The following TRPV1 variants were observed in gnomAD, a reference collection of about 807,000 sequenced individuals.
TRPV1 encodes the protein transient receptor potential cation channel subfamily V member 1, also known as OTRPC1.
A neutral mutation model predicts 82.3 loss-of-function variants in TRPV1; 82 were observed. The observed-to-expected ratio is 1.00, with a 90% confidence interval of 0.83 to 1.20. The LOEUF is 1.20. Ranked by LOEUF, TRPV1 falls within the 50% of genes most tolerant of loss-of-function variation. The pLI is 0.00. For missense variants in TRPV1, 1,067 were observed against 1,096.8 expected, an observed-to-expected ratio of 0.97 and a Z score of 0.38; for synonymous variants, 515 against 467.7, an observed-to-expected ratio of 1.10 and a Z score of -1.30.
chr17:3,599,637 T>C (rs1465083255), intron 2 of TRPV1, among the ~76,000 whole-genome samples: 2 of 149,816 alleles, frequency 1.3e-5, no homozygotes, highest in African/African-American at 5.1e-5. Context: ...CTTTTCTTTT[T>C]TTTTTTTTCG....
intron 10 of TRPV1, among the ~76,000 whole-genome samples, chr17:3,582,204 A>AAAAAAAAAAAAAAAAAAAAAAAAG (rs2075029768): frequency 1.4e-5 from 2 of 144,830 alleles, no homozygotes; most frequent in Non-Finnish European, 3.0e-5. Flanking sequence ...AAAAAAAAAA[A>AAAAAAAAAAAAAAAAAAAAAAAAG]AAAAAAAAAA....
Position 3,587,918 on chromosome 17 carries a change from CTG to C in TRPV1, c.1224+268_1224+269del, listed in dbSNP as rs775644072. On this transcript the variant is annotated intron_variant, in intron 8 of 16. Transcript: ENST00000572705. Reference sequence around the variant, plus strand: ...TCTCATTTATGTAAACAAAATGAAACTGTGCATTTTTAAATAGTATAAAAGGA... The same window carrying C: ...TCTCATTTATGTAAACAAAATGAAACTGCATTTTTAAATAGTATAAAAGGA... 2.0e-3 allele frequency among the ~76,000 whole-genome samples: 296 copies of C among 151,538 alleles called. 3 individuals carry two copies. The highest frequency in any genetic ancestry group is 1.9e-3 in the Non-Finnish European group (129 of 67,948).
At position 3,593,200 on chromosome 17, in the gene TRPV1, C is replaced by G. The variant is rs964920435; in HGVS notation, c.-33-817G>C. Among the ~76,000 whole-genome samples, 4 of 152,134 alleles carry G rather than the reference C, an allele frequency of 2.6e-5. No homozygotes were observed. In the East Asian group the frequency reaches 7.7e-4, roughly 29 times the overall value. On this transcript the variant is annotated intron_variant, in intron 2 of 16. Transcript: ENST00000572705. ...TGGGGCAATCTCTGCTCACTGCAACCTCCACCTCCCAGGTTCAAGCGATTC... is the reference window on the plus strand; with the variant it reads ...TGGGGCAATCTCTGCTCACTGCAACGTCCACCTCCCAGGTTCAAGCGATTC...
chr17:3,578,832 A>G (rs1320205317), intron 11 of TRPV1: 1 of 152,198 alleles, frequency 6.6e-6, no homozygotes, highest in Non-Finnish European at 1.5e-5. Context: ...ATACCATGGA[A>G]TACTATGCAG....
intron 7 of TRPV1, among the ~76,000 whole-genome samples, chr17:3,588,625 A>G (rs971938932): frequency 6.6e-6 from 1 of 151,766 alleles, no homozygotes; most frequent in Non-Finnish European, 1.5e-5. Flanking sequence ...CCTGGCCAAC[A>G]TGGCAAAATC....
intron 16 of TRPV1, among the ~76,000 whole-genome samples, chr17:3,568,627 C>T (rs910498042): frequency 2.0e-5 from 3 of 152,052 alleles, no homozygotes; most frequent in East Asian, 1.9e-4. Flanking sequence ...GTGCTGTCAA[C>T]GATCACAAAA....
rs1036927997 is a variant in TRPV1 at position 3,577,299 on chromosome 17, G to A, written c.1714-107C>T. 126 of 1,232,564 alleles carry A rather than the reference G, an allele frequency of 1.0e-4. 1 individual carries two copies. Among genetic ancestry groups the A allele is most frequent in the South Asian group, 2.8e-4 (21 of 74,228 alleles). The allele number at this position is 1,232,564 out of a possible 1,614,324, so 76.4% of individuals were successfully genotyped here. ...GATGCGTCTTGAGAACGTGCAGGGC[G>A]GTTTGCTTTGCTGGTTCTCAGCTCA... On this transcript the variant is annotated intron_variant, in intron 12 of 16. Coordinates refer to ENST00000572705, the MANE Select transcript of TRPV1 (RefSeq NM_080704.4).
At chr17:3,604,856 T>C (rs1038768435) in intron 2 of TRPV1, among the ~76,000 whole-genome samples, 1 of 152,156 alleles carries the variant, frequency 6.6e-6, no homozygotes, top group East Asian at 1.9e-4. Flanking sequence ...GCGTCCACAC[T>C]GTCAGCTACA....
At position 3,573,696 on chromosome 17, in the gene TRPV1, G is replaced by T; in HGVS notation, c.2040C>A (p.Ile680=). The part of the protein sequence containing the change: ...LTYILLLNML[I]ALMGETVNKI... ...TGTTGACAGTCTCACCCATGAGGGC[G>T]ATGAGCATGTTGAGCAGGAGGATGT... The change falls in exon 14 of 17, where the codon ATC becomes ATA. Residue 680 remains isoleucine, a synonymous_variant. Coordinates refer to ENST00000572705, the MANE Select transcript of TRPV1 (RefSeq NM_080704.4). 1 of 1,613,884 alleles carries T rather than the reference G, an allele frequency of 6.2e-7. No individual in the cohort carries two copies. Among genetic ancestry groups the T allele is most frequent in the Non-Finnish European group, 8.5e-7 (1 of 1,179,978 alleles).
At chr17:3,589,682 G>T in intron 7 of TRPV1, 125 bp downstream of exon 7, 1 of 1,179,398 alleles carries the variant, frequency 8.5e-7, no homozygotes, top group Non-Finnish European at 1.2e-6. Flanking sequence ...CCTACAGGCT[G>T]GTATGACAGA....
At chr17:3,596,441 T>C (rs2075220441) in intron 2 of TRPV1, among the ~76,000 whole-genome samples, 1 of 152,206 alleles carries the variant, frequency 6.6e-6, no homozygotes, top group Non-Finnish European at 1.5e-5. Flanking sequence ...GGCAGTAGGC[T>C]GCGGGCTTCC....
At chr17:3,594,147 AAAAAAGAAGCAGC>A (rs1361654143) in intron 2 of TRPV1, among the ~76,000 whole-genome samples, 7 of 124,258 alleles carry the variant, frequency 5.6e-5, no homozygotes, top group African/African-American at 3.8e-4. Context: ...AAAAAAAAAA[AAAAAAGAAGCAGC>A]AGCAGCAGCA....
intron 14 of TRPV1, among the ~76,000 whole-genome samples, chr17:3,573,060 A>G (rs2074879495): frequency 6.6e-6 from 1 of 151,688 alleles, no homozygotes; most frequent in South Asian, 2.1e-4. Context: ...ATTAAATGAG[A>G]TCAGGTGAGA....
chr17:3,601,334 C>T (rs1433230088), intron 2 of TRPV1, among the ~76,000 whole-genome samples: 1 of 152,056 alleles, frequency 6.6e-6, no homozygotes, highest in Non-Finnish European at 1.5e-5. Context: ...TGATCAGGCC[C>T]CCTTGCCTCT....
At chr17:3,604,381 T>C (rs1017246012) in intron 2 of TRPV1, among the ~76,000 whole-genome samples, 9 of 152,082 alleles carry the variant, frequency 5.9e-5, no homozygotes, top group African/African-American at 2.2e-4. Context: ...GCGGATCACC[T>C]GAGGTCAGGA....
intron 2 of TRPV1, among the ~76,000 whole-genome samples, chr17:3,594,496 C>T (rs1429907116): frequency 6.6e-6 from 1 of 152,134 alleles, no homozygotes; most frequent in Non-Finnish European, 1.5e-5. Context: ...TCCATGAAAA[C>T]ACAGAGGCAG....
At chr17:3,573,585 G>T (rs200344377) in intron 14 of TRPV1, 48 bp downstream of exon 14, 3 of 1,174,596 alleles carry the variant, frequency 2.6e-6, no homozygotes, top group Non-Finnish European at 3.3e-6. Flanking sequence ...AGACAGAGCC[G>T]CCCACACTCT....
rs1401582144 is a variant in TRPV1 at position 3,589,975 on chromosome 17, C to T, written c.876G>A (p.Leu292=). 2.6e-6 allele frequency: 4 copies of T among 1,561,162 alleles called. No homozygotes were observed. The Admixed American group carries it at 5.8e-5, about 23-fold the overall frequency. The part of the protein sequence containing the change: ...DSVGNTVLHA[L]VEVADNTADN... ...CGGCCGTGTTGTCGGCCACCTCCAC[C>T]AGGGCGTGCAGCACCGTGTTGCCCA... The change falls in exon 7 of 17, where the codon CTG becomes CTA. Residue 292 remains leucine (L), a synonymous_variant. Transcript: ENST00000572705.
intron 2 of TRPV1, among the ~76,000 whole-genome samples, chr17:3,594,597 GTCTT>G (rs1232828494): frequency 6.6e-6 from 1 of 152,192 alleles, no homozygotes; most frequent in Non-Finnish European, 1.5e-5. Context: ...ACAGGCCTGA[GTCTT>G]TCTCTGACTC....
Sources: allele counts gnomAD v4.1 joint callset (sites outside exome capture counted in the v4.1 genomes callset), GRCh38; gene constraint gnomAD v4.1.1; transcripts MANE v1.5; gene names NCBI Gene and HGNC (gene_info 2026-07-23, HGNC 2026-07-21).